Variants in BMP5 observed in about 807,000 individuals in gnomAD.
The protein encoded by BMP5 is bone morphogenetic protein 5.
Under a neutral mutation model 46.6 loss-of-function variants are expected in BMP5, and 23 were observed. The ratio of observed to expected loss-of-function variants is 0.49; its 90% CI spans 0.35 to 0.70. The LOEUF is 0.70. Ranked by LOEUF, BMP5 falls within the 30% of genes least tolerant of loss-of-function variation. The pLI, the probability that BMP5 is intolerant of heterozygous loss-of-function variation, is 0.00. For missense variants in BMP5, 545 were observed against 565.6 expected (o/e 0.96, Z 0.37); for synonymous variants, 204 against 191.9 (o/e 1.06, Z -0.52).
At chr6:55,855,657 G>A (rs1353635489) in intron 1 of BMP5, among the ~76,000 whole-genome samples, 1 of 151,956 alleles carries the variant, frequency 6.6e-6, no homozygotes, top group Non-Finnish European at 1.5e-5. Flanking sequence ...GGATTTCATG[G>A]AGTATGTTTA....
chr6:55,874,569 G>A lies in BMP5; in HGVS notation c.297C>T (p.Tyr99=), dbSNP rs780090173. 7.1e-5 allele frequency: 115 copies of A among 1,613,352 alleles called. No individual in the cohort carries two copies. Among genetic ancestry groups the A allele is most frequent in the Middle Eastern group, 4.9e-4 (3 of 6,078 alleles). ...TNEENPEESE[Y]SVRASLAEET... ...CTTCTGCCAAGGATGCCCTTACTGA[G>A]TACTCCGACTCTTCAGGATTTTCTT... is the stretch of plus-strand genomic sequence containing the variant. The change falls in exon 1 of 7, where the codon TAC becomes TAT. Residue 99 remains tyrosine (Y), a synonymous_variant. Coordinates refer to ENST00000370830, the MANE Select transcript of BMP5 (RefSeq NM_021073.4).
At chr6:55,850,004 A>C (rs1302430999) in intron 1 of BMP5, among the ~76,000 whole-genome samples, 4 of 152,062 alleles carry the variant, frequency 2.6e-5, no homozygotes, top group Non-Finnish European at 5.9e-5. Context: ...CTTTGCATAC[A>C]TAGTATCTTT....
At chr6:55,828,313 G>GCTTGTGCAAC in intron 1 of BMP5, among the ~76,000 whole-genome samples, 1 of 151,970 alleles carries the variant, frequency 6.6e-6, no homozygotes, top group South Asian at 2.1e-4. Flanking sequence ...GTGGGTGACA[G>GCTTGTGCAAC]ATAAGTAGTA....
At chr6:55,769,552 A>T (rs1336394585) in intron 4 of BMP5, among the ~76,000 whole-genome samples, 1 of 151,836 alleles carries the variant, frequency 6.6e-6, no homozygotes, top group Admixed American at 6.6e-5. Context: ...CATCAAAGTC[A>T]TCCAGGAGGT....
chr6:55,770,723 G>T (rs1775028408), intron 4 of BMP5, among the ~76,000 whole-genome samples: 1 of 151,908 alleles, frequency 6.6e-6, no homozygotes, highest in African/African-American at 2.4e-5. Flanking sequence ...TAAAGTGAGA[G>T]ATGTTTAAAT....
chr6:55,756,015 G>A (rs1241238078), intron 6 of BMP5, among the ~76,000 whole-genome samples: 3 of 151,900 alleles, frequency 2.0e-5, no homozygotes, highest in Non-Finnish European at 4.4e-5. Flanking sequence ...TGAAATAACT[G>A]TTCCTATATA....
At chr6:55,850,358 A>ATAGG (rs1190680276) in intron 1 of BMP5, among the ~76,000 whole-genome samples, 4 of 71,802 alleles carry the variant, frequency 5.6e-5, no homozygotes, top group East Asian at 5.9e-4. Flanking sequence ...AAGTAGGTAG[A>ATAGG]TAGATAGATA....
chr6:55,819,617 T>C, intron 2 of BMP5, 38 bp downstream of exon 2: 1 of 1,530,734 alleles, frequency 6.5e-7, no homozygotes, highest in Admixed American at 1.7e-5. Context: ...ATTTTACATA[T>C]ATTTGCCAGG....
At chr6:55,873,365 T>C (rs1357507451) in intron 1 of BMP5, among the ~76,000 whole-genome samples, 1 of 151,954 alleles carries the variant, frequency 6.6e-6, no homozygotes, top group Non-Finnish European at 1.5e-5. Flanking sequence ...GTGGATTAAA[T>C]TTGTTGATAG....
chr6:55,776,561 T>C (rs1351023964), intron 3 of BMP5, among the ~76,000 whole-genome samples: 1 of 151,820 alleles, frequency 6.6e-6, no homozygotes, highest in Non-Finnish European at 1.5e-5. Context: ...CATAAAAAAG[T>C]ATTTGACGAA....
chr6:55,768,218 G>A (rs1039121499), intron 4 of BMP5, among the ~76,000 whole-genome samples: 2 of 151,882 alleles, frequency 1.3e-5, no homozygotes, highest in African/African-American at 2.4e-5. Flanking sequence ...TTAGGCAAGA[G>A]ATAGCGCCTA....
chr6:55,816,775 A>G (rs1276026232), intron 2 of BMP5, among the ~76,000 whole-genome samples: 1 of 152,092 alleles, frequency 6.6e-6, no homozygotes, highest in South Asian at 2.1e-4. Flanking sequence ...TTTGAGGAAG[A>G]CTAGTTAAAA....
chr6:55,781,179 G>C (rs1048544917), intron 3 of BMP5, among the ~76,000 whole-genome samples: 1 of 152,092 alleles, frequency 6.6e-6, no homozygotes, highest in Admixed American at 6.5e-5. Context: ...TTGGTTAGCA[G>C]TTGGTCTTAT....
In BMP5 at chr6:55,810,605, C is replaced by G. The variant is rs925260182; in HGVS notation, c.683+9050G>C. Among the ~76,000 whole-genome samples the G allele has an allele frequency of 3.3e-5, 5 of 152,316 alleles. No individual in the cohort carries two copies. In the East Asian group the frequency reaches 9.6e-4, roughly 29 times the overall value. ...CAGTGAATGAGCAATGTACCCAGTA[C>G]AAACTCCTAAGAGCTCTTTCATCTT... On this transcript the variant is annotated intron_variant, in intron 2 of 6. Transcript: ENST00000370830.
At chr6:55,782,060 A>G (rs1775332044) in intron 3 of BMP5, among the ~76,000 whole-genome samples, 1 of 152,130 alleles carries the variant, frequency 6.6e-6, no homozygotes, top group South Asian at 2.1e-4. Flanking sequence ...TAAAATATGC[A>G]GTAGAGAACT....
intron 1 of BMP5, among the ~76,000 whole-genome samples, chr6:55,823,054 G>A (rs1402606349): frequency 1.3e-5 from 2 of 152,036 alleles, no homozygotes; most frequent in African/African-American, 4.8e-5. Flanking sequence ...ACCTCAAACA[G>A]TAACACTAGG....
intron 4 of BMP5, among the ~76,000 whole-genome samples, chr6:55,763,370 C>A (rs1774832660): frequency 6.6e-6 from 1 of 152,062 alleles, no homozygotes; most frequent in African/African-American, 2.4e-5. Context: ...ATAAATGTAA[C>A]AAGCAATGAA....
At chr6:55,789,379 T>C (rs1199344887) in intron 3 of BMP5, among the ~76,000 whole-genome samples, 1 of 151,988 alleles carries the variant, frequency 6.6e-6, no homozygotes, top group Non-Finnish European at 1.5e-5. Flanking sequence ...AAAAAAAGAA[T>C]TAATCTACTT....
At chr6:55,864,872 A>G (rs1442977451) in intron 1 of BMP5, among the ~76,000 whole-genome samples, 1 of 152,116 alleles carries the variant, frequency 6.6e-6, no homozygotes, top group Non-Finnish European at 1.5e-5. Context: ...TAACAACTCA[A>G]GATAATTAAC....
Sources: gnomAD v4.1 joint callset for allele counts (sites outside exome capture counted in the v4.1 genomes callset) on GRCh38, gnomAD v4.1.1 for gene constraint, MANE v1.5 for transcripts, NCBI Gene and HGNC (gene_info 2026-07-23, HGNC 2026-07-21) for gene names.